Variants in OIP5 observed in about 807,000 individuals in gnomAD.
OIP5 encodes Opa interacting protein 5.
OIP5 carries 24 observed loss-of-function variants against 20.3 expected under a neutral mutation model. The ratio of observed to expected loss-of-function variants is 1.18; its 90% CI spans 0.86 to 1.66. The LOEUF (loss-of-function observed/expected upper bound fraction) is 1.66. OIP5 is among the 40% of genes most tolerant of loss of function. The pLI is 0.00. For synonymous variants in OIP5, 143 were observed against 121.3 expected, an observed-to-expected ratio of 1.18 and a Z score of -1.17; for missense variants, 339 against 289.5, an observed-to-expected ratio of 1.17 and a Z score of -1.24.
At chr15:41,317,358 G>A (rs1453032828) in intron 3 of OIP5, among the ~76,000 whole-genome samples, 1 of 150,054 alleles carries the variant, frequency 6.7e-6, no homozygotes, top group Non-Finnish European at 1.5e-5. Context: ...GGTTGGCTTA[G>A]TTTGGGTCAG....
chr15:41,314,453 T>TA (rs2047777693), intron 3 of OIP5, among the ~76,000 whole-genome samples: 1 of 151,998 alleles, frequency 6.6e-6, no homozygotes, highest in Non-Finnish European at 1.5e-5. Flanking sequence ...AGCCTACTGT[T>TA]ACATATTTGC....
chr15:41,330,127 G>T (rs1396386780), intron 2 of OIP5, among the ~76,000 whole-genome samples: 1 of 151,300 alleles, frequency 6.6e-6, no homozygotes, highest in Non-Finnish European at 1.5e-5. Context: ...TTTCGCTCTC[G>T]TTGCCCAGGC....
Position 41,309,586 on chromosome 15 carries a change from T to C in OIP5, c.*168A>G. ...AGAGAAGAATCCTTAGTCTCTCATC[T>C]TCTAAAAACAGCTTCACAAATAATT... On this transcript the variant is annotated 3_prime_UTR_variant, in exon 5 of 5. Transcript: ENST00000220514. 8.0e-6 allele frequency: 4 copies of C among 500,860 alleles called. No individual in the cohort carries two copies. The highest frequency in any genetic ancestry group is 1.4e-5 in the Non-Finnish European group (4 of 282,252). 31.0% of individuals were successfully genotyped at this position (500,860 alleles called of 1,614,324 possible). A position where few individuals can be genotyped will look rare whatever the true frequency, so the allele number is the denominator to read the frequency against.
chr15:41,328,107 ATAAAGATCCT>A (rs1289579284), intron 2 of OIP5, among the ~76,000 whole-genome samples: 3 of 152,228 alleles, frequency 2.0e-5, no homozygotes, highest in Non-Finnish European at 2.9e-5. Flanking sequence ...AAAGTTTCTT[ATAAAGATCCT>A]TACCAAAATA....
At chr15:41,315,039 A>T (rs1431294754) in intron 3 of OIP5, among the ~76,000 whole-genome samples, 1 of 150,690 alleles carries the variant, frequency 6.6e-6, no homozygotes, top group Admixed American at 6.6e-5. Context: ...CTGAACCCAA[A>T]AGGTTGAGGC....
intron 2 of OIP5, among the ~76,000 whole-genome samples, chr15:41,320,469 G>A (rs1030148536): frequency 3.9e-5 from 6 of 152,176 alleles, no homozygotes; most frequent in Admixed American, 2.6e-4. Context: ...TGGTGGAGAC[G>A]GGGTTTCGCT....
chr15:41,324,776 C>G (rs1036297480), intron 2 of OIP5, among the ~76,000 whole-genome samples: 2 of 152,218 alleles, frequency 1.3e-5, no homozygotes, highest in African/African-American at 2.4e-5. Context: ...AAGCGTGAGC[C>G]ACCGCGCCTA....
At chr15:41,316,955 C>T (rs1458595648) in intron 3 of OIP5, among the ~76,000 whole-genome samples, 1 of 152,016 alleles carries the variant, frequency 6.6e-6, no homozygotes, top group Admixed American at 6.6e-5. Context: ...AGCATAATGC[C>T]TACATAAACT....
chr15:41,310,717 G>C (rs2047748820), intron 4 of OIP5, among the ~76,000 whole-genome samples: 1 of 151,910 alleles, frequency 6.6e-6, no homozygotes, highest in Admixed American at 6.6e-5. Flanking sequence ...CTGTGAAGAT[G>C]AATAAAGTCT....
intron 3 of OIP5, among the ~76,000 whole-genome samples, chr15:41,316,498 G>A (rs973501457): frequency 1.3e-5 from 2 of 151,688 alleles, no homozygotes; most frequent in African/African-American, 4.8e-5. Flanking sequence ...CATAAGAAAT[G>A]AGAAAAAGCG....
At chr15:41,309,940 GTACAGTGGCACA>G in intron 4 of OIP5, 91 bp from the exon 5 acceptor site, 1 of 788,554 alleles carries the variant, frequency 1.3e-6, no homozygotes, top group South Asian at 1.7e-5. Flanking sequence ...CTGAGCTGGA[GTACAGTGGCACA>G]TTCATAGTTC....
chr15:41,311,663 G>A (rs1049809095), intron 4 of OIP5, among the ~76,000 whole-genome samples: 8 of 152,064 alleles, frequency 5.3e-5, no homozygotes, highest in Non-Finnish European at 7.4e-5. Context: ...TGCCATCCAG[G>A]TCCAAGCGAT....
rs2047812475 is a variant in OIP5 at position 41,319,914 on chromosome 15, G to A, written c.390-134C>T. 1.1e-5 allele frequency: 7 copies of A among 662,654 alleles called. No homozygotes were observed. The South Asian group carries it at 1.5e-4, about 14-fold the overall frequency. 41.0% of individuals were successfully genotyped at this position (662,654 alleles called of 1,614,324 possible). ...CATTGTAATAGGAATGAGACGGAAA[G>A]AATGTCACATTCAAGAAAGGGTAAC... On this transcript the variant is annotated intron_variant, in intron 2 of 4. Coordinates refer to ENST00000220514, the MANE Select transcript of OIP5 (RefSeq NM_007280.2).
At chr15:41,312,441 G>A (rs757601754) in intron 4 of OIP5, among the ~76,000 whole-genome samples, 6 of 151,798 alleles carry the variant, frequency 4.0e-5, no homozygotes, top group African/African-American at 9.7e-5. Flanking sequence ...GATTACAGGC[G>A]TGAGCCACCA....
In OIP5 at chr15:41,312,790, G is replaced by A. The variant is rs544214018; in HGVS notation, c.594+483C>T. Among the ~76,000 whole-genome samples, 16 of 152,098 alleles carry A rather than the reference G, an allele frequency of 1.1e-4. No individual in the cohort carries two copies. In the East Asian group the frequency reaches 1.2e-3, roughly 11 times the overall value. ...ACTACAGGCACGTGCCACCACGCCC[G>A]GCTAATTTTTTGTATTTGTAATAGA... is the stretch of plus-strand genomic sequence containing the variant. On this transcript the variant is annotated intron_variant, in intron 4 of 4. Coordinates refer to ENST00000220514, the MANE Select transcript of OIP5 (RefSeq NM_007280.2).
chr15:41,318,563 T>C (rs573078435), intron 3 of OIP5, among the ~76,000 whole-genome samples: 2 of 152,292 alleles, frequency 1.3e-5, no homozygotes, highest in South Asian at 2.1e-4. Flanking sequence ...CCTGGGTAGC[T>C]AGAATTACAG....
chr15:41,332,338 C>T lies in OIP5; in HGVS notation c.224G>A (p.Cys75Tyr). 6.2e-7 allele frequency: 1 copy of T among 1,612,022 alleles called. No homozygotes were observed. The highest frequency in any genetic ancestry group is 2.2e-5 in the East Asian group (1 of 44,838). ...QLPSWLQPERCAVFQCAQCHA... is the reference protein window; with the variant it reads ...QLPSWLQPERYAVFQCAQCHA... ...ACACTGTGCGCACTGGAACACAGCG[C>T]ACCTCTCAGGCTGCAGCCAAGACGG... Residue 75 changes from cysteine to tyrosine, a missense_variant, in exon 1 of 5, where the codon TGC (cysteine) becomes TAC (tyrosine). Physicochemically the swap from Cys to Tyr is radical, Grantham distance 194. Coordinates refer to ENST00000220514, the MANE Select transcript of OIP5 (RefSeq NM_007280.2).
At chr15:41,326,161 C>CA (rs962614437) in intron 2 of OIP5, among the ~76,000 whole-genome samples, 6 of 151,820 alleles carry the variant, frequency 4.0e-5, no homozygotes, top group African/African-American at 1.5e-4. Flanking sequence ...GACTCCATCT[C>CA]AAAAAAACAA....
At chr15:41,317,617 TG>T (rs1223297606) in intron 3 of OIP5, among the ~76,000 whole-genome samples, 3 of 152,028 alleles carry the variant, frequency 2.0e-5, no homozygotes, top group Non-Finnish European at 4.4e-5. Context: ...CCTGACCTCA[TG>T]ATCTGCCCAC....
Sources: allele counts gnomAD v4.1 joint callset (sites outside exome capture counted in the v4.1 genomes callset), GRCh38; gene constraint gnomAD v4.1.1; transcripts MANE v1.5; gene names NCBI Gene and HGNC (gene_info 2026-07-23, HGNC 2026-07-21).